Variants in FMN2 observed in about 807,000 individuals in gnomAD.
FMN2 encodes the protein formin-2.
Under a neutral mutation model 142.3 loss-of-function variants are expected in FMN2, and 51 were observed. The ratio of observed to expected loss-of-function variants is 0.36; its 90% CI spans 0.29 to 0.45. The LOEUF is 0.45. Ranked by LOEUF, FMN2 falls within the 20% of genes least tolerant of loss-of-function variation. The probability of loss-of-function intolerance (pLI) is 1.00; values close to 1 mark genes in which losing one functional copy is unlikely to be tolerated. For synonymous variants in FMN2, 882 were observed against 869.8 expected (o/e 1.01, Z -0.25); for missense variants, 1,936 against 2,122.8 (o/e 0.91, Z 1.73).
At chr1:240,310,801 A>C (rs1383042215) in intron 8 of FMN2, among the ~76,000 whole-genome samples, 2 of 152,248 alleles carry the variant, frequency 1.3e-5, no homozygotes, top group South Asian at 4.1e-4. Context: ...AAAATTACTC[A>C]TTTTTTTAAG....
At chr1:240,243,849 C>T (rs1041660916) in intron 6 of FMN2, among the ~76,000 whole-genome samples, 1 of 152,138 alleles carries the variant, frequency 6.6e-6, no homozygotes, top group Non-Finnish European at 1.5e-5. Flanking sequence ...GGGAATTGTT[C>T]TCTTTGCCTT....
chr1:240,452,404 G>A (rs958606006), intron 16 of FMN2, among the ~76,000 whole-genome samples: 1 of 151,964 alleles, frequency 6.6e-6, no homozygotes, highest in African/African-American at 2.4e-5. Context: ...AAGGACAGAG[G>A]TAAAAGTACT....
intron 1 of FMN2, among the ~76,000 whole-genome samples, chr1:240,102,848 A>T (rs1450112618): frequency 6.6e-6 from 1 of 152,048 alleles, no homozygotes; most frequent in Non-Finnish European, 1.5e-5. Context: ...GATATCAGTA[A>T]AAAGGTGATC....
chr1:240,270,352 A>C (rs529226910), intron 7 of FMN2, among the ~76,000 whole-genome samples: 107 of 152,154 alleles, frequency 7.0e-4, no homozygotes, highest in Non-Finnish European at 1.4e-3. Context: ...AAATAACAAT[A>C]GAATTTCCAC....
chr1:240,429,260 A>G (rs536949370), intron 15 of FMN2, among the ~76,000 whole-genome samples: 3 of 152,280 alleles, frequency 2.0e-5, no homozygotes, highest in Non-Finnish European at 2.9e-5. Context: ...TGTTCAGTAG[A>G]CATGTCGTCT....
intron 2 of FMN2, among the ~76,000 whole-genome samples, chr1:240,172,922 CT>C (rs34541723): frequency 2.0e-5 from 3 of 150,876 alleles, no homozygotes; most frequent in Non-Finnish European, 3.0e-5. Flanking sequence ...GCCAGTGGCC[CT>C]TTTTTTTGTT....
At chr1:240,409,868 G>T (rs2103123636) in intron 15 of FMN2, among the ~76,000 whole-genome samples, 1 of 152,206 alleles carries the variant, frequency 6.6e-6, no homozygotes, top group African/African-American at 2.4e-5. Flanking sequence ...AACCTATTAT[G>T]TATTTCAGGG....
At chr1:240,358,726 C>G (rs1672365541) in intron 14 of FMN2, among the ~76,000 whole-genome samples, 1 of 152,044 alleles carries the variant, frequency 6.6e-6, no homozygotes, top group Admixed American at 6.5e-5. Context: ...GAGAAATGGC[C>G]CCCATGATTC....
At chr1:240,431,537 C>T (rs1324459570) in intron 15 of FMN2, among the ~76,000 whole-genome samples, 1 of 150,768 alleles carries the variant, frequency 6.6e-6, no homozygotes, top group Non-Finnish European at 1.5e-5. Flanking sequence ...AGCAGACATC[C>T]TTGTTTTATT....
intron 6 of FMN2, among the ~76,000 whole-genome samples, chr1:240,231,994 T>TCTGAA (rs1398281444): frequency 3.3e-5 from 5 of 152,232 alleles, no homozygotes; most frequent in Admixed American, 2.6e-4. Context: ...GATAAGAGTA[T>TCTGAA]TACTTATATT....
chr1:240,211,070 T>G, intron 5 of FMN2, 21 bp from the exon 6 acceptor site: 2 of 1,590,806 alleles, frequency 1.3e-6, no homozygotes, highest in Non-Finnish European at 1.7e-6. Flanking sequence ...GCTGTTTTAT[T>G]GTTCTTTTGC....
intron 13 of FMN2, among the ~76,000 whole-genome samples, chr1:240,336,488 G>A (rs988660678): frequency 2.3e-5 from 3 of 129,720 alleles, no homozygotes; most frequent in Non-Finnish European, 3.1e-5. Flanking sequence ...TAGAATTGTT[G>A]AAATGGGGAG....
intron 15 of FMN2, among the ~76,000 whole-genome samples, chr1:240,423,573 T>G (rs1674842466): frequency 1.3e-5 from 2 of 152,208 alleles, no homozygotes; most frequent in South Asian, 4.1e-4. Context: ...GCCTGTAAAG[T>G]CTCATTTGGT....
chr1:240,268,615 A>G (rs1668891752), intron 7 of FMN2, among the ~76,000 whole-genome samples: 1 of 152,040 alleles, frequency 6.6e-6, no homozygotes. Context: ...GTAGAATCTA[A>G]GTAGAGACAT....
chr1:240,425,224 A>AGAGAG (rs1434503893), intron 15 of FMN2, among the ~76,000 whole-genome samples: 2 of 151,902 alleles, frequency 1.3e-5, no homozygotes, highest in African/African-American at 4.8e-5. Flanking sequence ...AGAGAGAGAG[A>AGAGAG]GAGAGAGAGA....
At chr1:240,335,052 T>C (rs1406301367) in intron 13 of FMN2, among the ~76,000 whole-genome samples, 1 of 152,258 alleles carries the variant, frequency 6.6e-6, no homozygotes, top group Non-Finnish European at 1.5e-5. Flanking sequence ...TATCCAAAGA[T>C]ACTGATCTGT....
chr1:240,418,239 G>A lies in FMN2; in HGVS notation c.4911-19822G>A, dbSNP rs538568760. 5.6e-4 allele frequency among the ~76,000 whole-genome samples: 80 copies of A among 142,612 alleles called. 1 individual carries two copies. Among genetic ancestry groups the A allele is most frequent in the Non-Finnish European group, 9.8e-4 (65 of 66,566 alleles). 93.6% of individuals were successfully genotyped at this position (142,612 alleles called of 152,430 possible). On this transcript the variant is annotated intron_variant, in intron 15 of 17. Transcript: ENST00000319653. ...TTTTGAGATGGAGTCTCACTCTGTC[G>A]CCCAGGCTGGAATGCAGTGGCACAA...
At chr1:240,330,234 A>G (rs1288194029) in intron 10 of FMN2, among the ~76,000 whole-genome samples, 1 of 152,218 alleles carries the variant, frequency 6.6e-6, no homozygotes, top group African/African-American at 2.4e-5. Flanking sequence ...AGACAATGGC[A>G]GTGATATTAG....
intron 16 of FMN2, among the ~76,000 whole-genome samples, chr1:240,440,842 G>A (rs1298089817): frequency 6.8e-6 from 1 of 146,174 alleles, no homozygotes; most frequent in Admixed American, 6.7e-5. Context: ...TACTTCTTAG[G>A]AAACAGTGAA....
Sources: gnomAD v4.1 joint callset for allele counts (sites outside exome capture counted in the v4.1 genomes callset) on GRCh38, gnomAD v4.1.1 for gene constraint, MANE v1.5 for transcripts, NCBI Gene and HGNC (gene_info 2026-07-23, HGNC 2026-07-21) for gene names.